The following KAT6B variants were observed in gnomAD, a reference collection of about 807,000 sequenced individuals.
The protein encoded by KAT6B is histone acetyltransferase KAT6B.
In KAT6B, 10 loss-of-function variants were observed where a neutral mutation model predicts 187.5. The observed-to-expected ratio is 0.05, with a 90% CI of 0.03 to 0.09. The LOEUF (loss-of-function observed/expected upper bound fraction) is 0.09, where lower values mean the gene tolerates loss of function less well. Ranked by LOEUF, KAT6B falls within the 10% of genes least tolerant of loss-of-function variation. KAT6B has a pLI of 1.00. For synonymous variants in KAT6B, 861 were observed against 926.8 expected (o/e 0.93, Z 1.29); for missense variants, 1,952 against 2,558.9 (o/e 0.76, Z 5.12).
At chr10:74,916,603 G>T (rs1246062063) in intron 3 of KAT6B, among the ~76,000 whole-genome samples, 1 of 152,122 alleles carries the variant, frequency 6.6e-6, no homozygotes, top group Non-Finnish European at 1.5e-5. Flanking sequence ...GACTGTACGG[G>T]CCATAGACAT....
chr10:74,958,162 C>A (rs1840819755), intron 3 of KAT6B, among the ~76,000 whole-genome samples: 1 of 151,990 alleles, frequency 6.6e-6, no homozygotes, highest in South Asian at 2.1e-4. Flanking sequence ...CATGTTGTCC[C>A]AAGGAACTAA....
At chr10:75,002,314 A>G (rs1843894114) in intron 13 of KAT6B, among the ~76,000 whole-genome samples, 1 of 151,886 alleles carries the variant, frequency 6.6e-6, no homozygotes, top group Non-Finnish European at 1.5e-5. Flanking sequence ...GGACCATGAC[A>G]GCATCTCTTA....
At chr10:74,940,537 G>A (rs868288408) in intron 3 of KAT6B, among the ~76,000 whole-genome samples, 1 of 149,974 alleles carries the variant, frequency 6.7e-6, no homozygotes, top group Non-Finnish European at 1.5e-5. Flanking sequence ...GCCTCCCAGA[G>A]TGTTGGGATT....
At chr10:75,005,831 A>G (rs1189349080) in intron 13 of KAT6B, among the ~76,000 whole-genome samples, 1 of 152,170 alleles carries the variant, frequency 6.6e-6, no homozygotes, top group Non-Finnish European at 1.5e-5. Context: ...TCATAGAGGA[A>G]CGCTTTTTTT....
intron 3 of KAT6B, among the ~76,000 whole-genome samples, chr10:74,955,230 G>A (rs1306085316): frequency 6.6e-6 from 1 of 152,112 alleles, no homozygotes; most frequent in Admixed American, 6.6e-5. Context: ...AAACATATAT[G>A]TTCAGTACAG....
At chr10:74,896,204 C>T (rs1845975650) in intron 3 of KAT6B, among the ~76,000 whole-genome samples, 2 of 152,138 alleles carry the variant, frequency 1.3e-5, no homozygotes, top group African/African-American at 4.8e-5. Flanking sequence ...GCTAGATCAC[C>T]TAGCTTAGCT....
intron 3 of KAT6B, among the ~76,000 whole-genome samples, chr10:74,915,832 T>A (rs1054464298): frequency 2.0e-5 from 3 of 152,218 alleles, no homozygotes; most frequent in African/African-American, 7.2e-5. Context: ...TGGAGATGAT[T>A]TAAAATTCAG....
chr10:74,965,216 C>G (rs965991925), intron 4 of KAT6B, among the ~76,000 whole-genome samples: 2 of 152,220 alleles, frequency 1.3e-5, no homozygotes, highest in Non-Finnish European at 2.9e-5. Flanking sequence ...GGATATACCT[C>G]GTTCATCTCT....
intron 3 of KAT6B, among the ~76,000 whole-genome samples, chr10:74,944,419 T>G (rs1053029396): frequency 6.6e-6 from 1 of 152,180 alleles, no homozygotes; most frequent in Non-Finnish European, 1.5e-5. Context: ...TATATTGCAG[T>G]GACCATTGTA....
chr10:74,831,153 C>T (rs1840826160), intron 1 of KAT6B, among the ~76,000 whole-genome samples: 1 of 152,106 alleles, frequency 6.6e-6, no homozygotes, highest in Non-Finnish European at 1.5e-5. Flanking sequence ...TCAAGTCTTT[C>T]CCACCCTGCT....
intron 4 of KAT6B, among the ~76,000 whole-genome samples, chr10:74,960,734 T>C (rs1228075996): frequency 1.3e-5 from 2 of 152,186 alleles, no homozygotes; most frequent in African/African-American, 4.8e-5. Flanking sequence ...TTAGAGATAA[T>C]GGCAGCACCA....
chr10:74,944,131 A>G (rs1396840220), intron 3 of KAT6B, among the ~76,000 whole-genome samples: 1 of 152,220 alleles, frequency 6.6e-6, no homozygotes, highest in Admixed American at 6.5e-5. Flanking sequence ...GATGCGGCCC[A>G]GGAACAGCCT....
At chr10:74,936,681 T>C (rs1230286294) in intron 3 of KAT6B, among the ~76,000 whole-genome samples, 1 of 152,312 alleles carries the variant, frequency 6.6e-6, no homozygotes, top group Middle Eastern at 3.4e-3. Flanking sequence ...GGTTTTTGTG[T>C]GTATGTGTGT....
intron 3 of KAT6B, among the ~76,000 whole-genome samples, chr10:74,904,732 G>A (rs1380974923): frequency 6.6e-6 from 1 of 152,138 alleles, no homozygotes. Context: ...TGACTACATA[G>A]TTCTTCTCAC....
rs192228409 is a variant in KAT6B, at chr10:74,864,401, C to T, written c.621+20923C>T. 8.0e-4 allele frequency among the ~76,000 whole-genome samples: 121 copies of T among 151,928 alleles called. 1 individual carries two copies. The highest frequency in any genetic ancestry group is 6.0e-3 in the Admixed American group (91 of 15,252). On this transcript the variant is annotated intron_variant, in intron 3 of 17. Coordinates refer to ENST00000287239, the MANE Select transcript of KAT6B (RefSeq NM_012330.4). ...GATTACAGGCGTGCTCCACTACGCC[C>T]GGCTAATTTTGTGTTTTTTAGTAGA...
rs10550175 is a variant in KAT6B at position 74,921,108 on chromosome 10, ATTT to A, written c.622-38841_622-38839del. On this transcript the variant is annotated intron_variant, in intron 3 of 17. Transcript: ENST00000287239. ...ATGTGTATGGGTCACTGTAGTCTAA[ATTT>A]TTTTTTTTTTTTTTTTTTTTGAGAT... Among the ~76,000 whole-genome samples the A allele has an allele frequency of 3.3e-3, 364 of 109,486 alleles. 3 individuals carry two copies. Among genetic ancestry groups the A allele is most frequent in the African/African-American group, 0.015 (335 of 22,702 alleles). 71.8% of individuals were successfully genotyped at this position (109,486 alleles called of 152,430 possible).
chr10:74,864,252 A>G (rs1481903427), intron 3 of KAT6B, among the ~76,000 whole-genome samples: 3 of 147,910 alleles, frequency 2.0e-5, no homozygotes, highest in African/African-American at 5.0e-5. Context: ...TATTTTTTGT[A>G]TTTTTTTGAG....
At chr10:74,842,571 G>T in intron 2 of KAT6B, 29 bp from the exon 3 acceptor site, 1 of 581,524 alleles carries the variant, frequency 1.7e-6, no homozygotes, top group Non-Finnish European at 3.0e-6. Context: ...TCATTATTAA[G>T]AGACTTTCCC....
At chr10:74,991,839 A>G (rs1380349478) in intron 13 of KAT6B, among the ~76,000 whole-genome samples, 1 of 152,258 alleles carries the variant, frequency 6.6e-6, no homozygotes, top group African/African-American at 2.4e-5. Context: ...TTTCTTGGCT[A>G]TAAAAGTTTT....
Sources: gnomAD v4.1 joint callset for allele counts (sites outside exome capture counted in the v4.1 genomes callset) on GRCh38, gnomAD v4.1.1 for gene constraint, MANE v1.5 for transcripts, NCBI Gene and HGNC (gene_info 2026-07-23, HGNC 2026-07-21) for gene names.